NRG1: variants seen among roughly 807,000 people sequenced by gnomAD.
The protein encoded by NRG1 is neuregulin 1.
NRG1 carries 18 observed loss-of-function variants against 63.8 expected under a neutral mutation model. The ratio of observed to expected loss-of-function variants is 0.28; its 90% CI spans 0.19 to 0.42. The LOEUF (loss-of-function observed/expected upper bound fraction) is 0.42. Among genes scored for constraint, NRG1 ranks in the 10% least tolerant of loss-of-function variants. The pLI, the probability that NRG1 is intolerant of heterozygous loss-of-function variation, is 1.00. For missense variants in NRG1, 762 were observed against 814.7 expected (o/e 0.94, Z 0.79); for synonymous variants, 302 against 301.3 (o/e 1.00, Z -0.02).
chr8:31,967,956 C>T (rs1343665364), intron 1 of NRG1, among the ~76,000 whole-genome samples: 2 of 152,144 alleles, frequency 1.3e-5, no homozygotes, highest in Admixed American at 1.3e-4. Flanking sequence ...CCAGGCCCAC[C>T]TTCTGGAGGT....
intron 1 of NRG1, among the ~76,000 whole-genome samples, chr8:31,647,549 A>G (rs1804408170): frequency 6.6e-6 from 1 of 152,190 alleles, no homozygotes; most frequent in Non-Finnish European, 1.5e-5. Flanking sequence ...AAGGAAATGG[A>G]TGGCTGTGTT....
Position 32,585,556 on chromosome 8 carries a change from G to A in NRG1, c.101-10272G>A, listed in dbSNP as rs940542458. On this transcript the variant is annotated intron_variant, in intron 1 of 11. Coordinates refer to ENST00000356819, the Ensembl canonical transcript of NRG1. Reference sequence around the variant, plus strand: ...GCCACTTTTGTTGCTGTATCCTCACGTGGGGGTTATCACATCGCAGTGAAC... The same window carrying A: ...GCCACTTTTGTTGCTGTATCCTCACATGGGGGTTATCACATCGCAGTGAAC... Among the ~76,000 whole-genome samples the A allele has an allele frequency of 3.9e-5, 6 of 152,172 alleles. No individual in the cohort carries two copies. The East Asian group carries it at 7.7e-4, about 20-fold the overall frequency.
intron 1 of NRG1, among the ~76,000 whole-genome samples, chr8:32,066,028 G>T (rs1300290560): frequency 1.3e-5 from 2 of 152,156 alleles, no homozygotes; most frequent in Non-Finnish European, 2.9e-5. Flanking sequence ...CTTTTTGATG[G>T]GGTTGTTTGT....
intron 1 of NRG1, among the ~76,000 whole-genome samples, chr8:32,273,668 GATTTTAA>G (rs1466861068): frequency 1.8e-4 from 28 of 152,070 alleles, no homozygotes; most frequent in Admixed American, 1.8e-3. Flanking sequence ...GATATAAATT[GATTTTAA>G]ATTTTAAATT....
chr8:32,480,472 GAAAAAC>G (rs1271260313), intron 1 of NRG1, among the ~76,000 whole-genome samples: 3 of 125,784 alleles, frequency 2.4e-5, no homozygotes, highest in Admixed American at 8.4e-5. Flanking sequence ...TGTCACCACA[GAAAAAC>G]AAAAACAAAA....
intron 1 of NRG1, among the ~76,000 whole-genome samples, chr8:32,303,105 C>T (rs1256534335): frequency 6.8e-6 from 1 of 146,994 alleles, no homozygotes; most frequent in Non-Finnish European, 1.5e-5. Context: ...TCACTTGAAC[C>T]CGGGAGGCAG....
At chr8:32,380,504 T>C (rs1810213152) in intron 1 of NRG1, among the ~76,000 whole-genome samples, 1 of 152,088 alleles carries the variant, frequency 6.6e-6, no homozygotes, top group African/African-American at 2.4e-5. Context: ...AACCACCACC[T>C]TGAAATCCCC....
intron 5 of NRG1, among the ~76,000 whole-genome samples, chr8:32,619,614 C>T (rs1588739374): frequency 6.6e-6 from 1 of 152,146 alleles, no homozygotes. Flanking sequence ...GTTTGAAAGT[C>T]AAGCCAGCAA....
intron 1 of NRG1, among the ~76,000 whole-genome samples, chr8:31,807,120 T>C (rs1822361084): frequency 6.6e-6 from 1 of 152,226 alleles, no homozygotes; most frequent in Non-Finnish European, 1.5e-5. Flanking sequence ...TTAACTTGGC[T>C]TCCCTTGGGA....
At chr8:31,989,459 C>T (rs1440258092) in intron 1 of NRG1, among the ~76,000 whole-genome samples, 1 of 151,768 alleles carries the variant, frequency 6.6e-6, no homozygotes, top group Non-Finnish European at 1.5e-5. Flanking sequence ...CGTCTTCATA[C>T]AGCATAAGGC....
At chr8:32,115,325 T>C (rs1279919506) in intron 1 of NRG1, among the ~76,000 whole-genome samples, 1 of 151,904 alleles carries the variant, frequency 6.6e-6, no homozygotes, top group African/African-American at 2.4e-5. Context: ...CCCCACAGCC[T>C]TAACTATTAA....
chr8:32,171,586 C>T (rs1211330664), intron 1 of NRG1: 1 of 152,426 alleles, frequency 6.6e-6, no homozygotes, highest in Non-Finnish European at 1.5e-5. Context: ...TCAGGGAATT[C>T]CCTTTTCTAG....
intron 1 of NRG1, among the ~76,000 whole-genome samples, chr8:31,755,082 A>T (rs1307999991): frequency 6.6e-6 from 1 of 151,944 alleles, no homozygotes; most frequent in African/African-American, 2.4e-5. Flanking sequence ...CACACTTATA[A>T]CTACTTCTCC....
rs1208093296 is a variant in NRG1, at chr8:32,530,470, T to G, written c.38-65358T>G. On this transcript the variant is annotated intron_variant, in intron 1 of 10. Transcript: ENST00000519301. ...TGGTCCACGGTTTAGAGTATGGAAA[T>G]GACTCTATTTCCATACAGTACTTCC... Among the ~76,000 whole-genome samples the G allele has an allele frequency of 3.3e-5, 5 of 152,218 alleles. No individual in the cohort carries two copies. The East Asian group carries it at 9.6e-4, about 29-fold the overall frequency.
chr8:32,187,387 C>T (rs367572945), intron 1 of NRG1, among the ~76,000 whole-genome samples: 32 of 152,202 alleles, frequency 2.1e-4, no homozygotes, highest in Middle Eastern at 3.4e-3. Context: ...TTCCTTATGA[C>T]ACTTAATCCT....
At chr8:31,828,756 T>C (rs1824825099) in intron 1 of NRG1, among the ~76,000 whole-genome samples, 1 of 152,224 alleles carries the variant, frequency 6.6e-6, no homozygotes, top group Admixed American at 6.5e-5. Flanking sequence ...TCTAGTTTCT[T>C]AGAATAAAGC....
chr8:31,924,964 T>C (rs1163903319), intron 1 of NRG1, among the ~76,000 whole-genome samples: 1 of 151,500 alleles, frequency 6.6e-6, no homozygotes, highest in Admixed American at 6.6e-5. Context: ...TCAGAGCATA[T>C]GGATTGTATG....
At chr8:32,288,002 G>A (rs75326237) in intron 1 of NRG1, among the ~76,000 whole-genome samples, 63 of 152,198 alleles carry the variant, frequency 4.1e-4, no homozygotes, top group East Asian at 7.7e-4. Context: ...ACACATATTC[G>A]TGGTACATAT....
chr8:31,802,011 C>T (rs1821838968), intron 1 of NRG1, among the ~76,000 whole-genome samples: 1 of 152,186 alleles, frequency 6.6e-6, no homozygotes, highest in African/African-American at 2.4e-5. Context: ...ACACTAACTT[C>T]CAGGAAAGCT....
Sources: allele counts gnomAD v4.1 joint callset (sites outside exome capture counted in the v4.1 genomes callset), GRCh38; gene constraint gnomAD v4.1.1; transcripts MANE v1.5; gene names NCBI Gene and HGNC (gene_info 2026-07-23, HGNC 2026-07-21).